CNGB3: variants seen among roughly 807,000 people sequenced by gnomAD.
CNGB3 encodes cyclic nucleotide gated channel subunit beta 3, also known as cyclic nucleotide-gated channel beta-3.
A neutral mutation model predicts 92.8 loss-of-function variants in CNGB3; 86 were observed. The ratio of observed to expected loss-of-function variants is 0.93; its 90% CI spans 0.78 to 1.11. CNGB3 has a LOEUF of 1.11. CNGB3 is among the 50% of genes least tolerant of loss of function. The pLI, the probability that CNGB3 is intolerant of heterozygous loss-of-function variation, is 0.00. For missense variants in CNGB3, 1,026 were observed against 956.8 expected (o/e 1.07, Z -0.95); for synonymous variants, 333 against 332.7 (o/e 1.00, Z -0.01).
intron 15 of CNGB3, among the ~76,000 whole-genome samples, chr8:86,581,208 G>A (rs1821757987): frequency 6.6e-6 from 1 of 152,168 alleles, no homozygotes; most frequent in Non-Finnish European, 1.5e-5. Context: ...CCCAAATCTG[G>A]AGAGAGAGGT....
chr8:86,694,641 G>C (rs1248469247), intron 3 of CNGB3, among the ~76,000 whole-genome samples: 1 of 151,610 alleles, frequency 6.6e-6, no homozygotes, highest in East Asian at 2.0e-4. Flanking sequence ...CCGGGCAGAG[G>C]CACTCCTCAC....
Position 86,575,914 on chromosome 8 carries a change from C to T in CNGB3, c.2320G>A (p.Val774Ile). The T allele has an allele frequency of 1.2e-6, 2 of 1,613,948 alleles. No homozygotes were observed. Among genetic ancestry groups the T allele is most frequent in the African/African-American group, 1.3e-5 (1 of 75,046 alleles). Residue 774 changes from valine (V) to isoleucine (I), a missense_variant, in exon 18 of 18, where the codon GTT becomes ATT. Physicochemically the swap from Val to Ile is conservative, Grantham distance 29. Coordinates refer to ENST00000320005, the MANE Select transcript of CNGB3 (RefSeq NM_019098.5). ...EEEPHSVRRTVLPRGTSRQSL... is the reference protein window; with the variant it reads ...EEEPHSVRRTILPRGTSRQSL... ...TGACGAGAAGTCCCTCTGGGTAAAA[C>T]TGTCCTTCTAACTGAGTGGGGTTCT...
intron 15 of CNGB3, among the ~76,000 whole-genome samples, chr8:86,591,670 A>T (rs1382375627): frequency 6.6e-6 from 1 of 152,154 alleles, no homozygotes; most frequent in Non-Finnish European, 1.5e-5. Flanking sequence ...GGGGTGAGGG[A>T]CCCACTTGAG....
intron 13 of CNGB3, 84 bp from the exon 14 acceptor site, chr8:86,611,755 G>A (rs1714417635): frequency 1.0e-6 from 1 of 976,736 alleles, no homozygotes; most frequent in Middle Eastern, 2.8e-4. Flanking sequence ...AAAATAAACA[G>A]TAATATATAT....
At chr8:86,580,210 A>C (rs1821737404) in intron 15 of CNGB3, among the ~76,000 whole-genome samples, 2 of 148,800 alleles carry the variant, frequency 1.3e-5, no homozygotes, top group Non-Finnish European at 1.5e-5. Context: ...GGCGGGGGGA[A>C]CTGCCCTCAT....
chr8:86,693,568 T>A, intron 3 of CNGB3, among the ~76,000 whole-genome samples: 1 of 149,520 alleles, frequency 6.7e-6, no homozygotes. Context: ...AGGTCTCTGG[T>A]TTTCCTAGGC....
intron 3 of CNGB3, among the ~76,000 whole-genome samples, chr8:86,708,855 G>A (rs1308334966): frequency 6.6e-6 from 1 of 152,116 alleles, no homozygotes; most frequent in African/African-American, 2.4e-5. Flanking sequence ...AGTAGAAGCT[G>A]TGGAATGAAG....
At chr8:86,603,210 TTAAC>T (rs1217932344) in intron 15 of CNGB3, among the ~76,000 whole-genome samples, 1 of 152,224 alleles carries the variant, frequency 6.6e-6, no homozygotes, top group African/African-American at 2.4e-5. Flanking sequence ...GTCTAGCTAA[TTAAC>T]TATTTATTAT....
intron 2 of CNGB3, among the ~76,000 whole-genome samples, chr8:86,735,847 A>G (rs1825242345): frequency 6.6e-6 from 1 of 152,184 alleles, no homozygotes; most frequent in Admixed American, 6.5e-5. Context: ...GATAGCCATT[A>G]ATTGGCTTAC....
intron 3 of CNGB3, among the ~76,000 whole-genome samples, chr8:86,700,369 T>C (rs1028368604): frequency 6.6e-6 from 1 of 152,222 alleles, no homozygotes; most frequent in Admixed American, 6.5e-5. Context: ...AATTTACCAC[T>C]AGGACATTTC....
chr8:86,693,189 C>G (rs899314121), intron 3 of CNGB3, among the ~76,000 whole-genome samples: 15 of 152,100 alleles, frequency 9.9e-5, no homozygotes, highest in Admixed American at 9.8e-4. Flanking sequence ...TTTAGACAAC[C>G]TGATGACTGT....
Position 86,688,265 on chromosome 8 carries a change from C to T in CNGB3, c.339-17167G>A, listed in dbSNP as rs530431457. The stretch of plus-strand genomic sequence containing the variant: ...ACTCAATAAATTTTGTACATTGATC[C>T]TTAATTTGTTCTCTAAAACTACACG... On this transcript the variant is annotated intron_variant, in intron 3 of 17. Coordinates refer to ENST00000320005, the MANE Select transcript of CNGB3 (RefSeq NM_019098.5). Among the ~76,000 whole-genome samples the T allele has an allele frequency of 1.1e-4, 16 of 152,054 alleles. No homozygotes were observed. In the South Asian group the frequency reaches 3.1e-3, roughly 30 times the overall value.
At chr8:86,687,590 A>C (rs1824214580) in intron 3 of CNGB3, among the ~76,000 whole-genome samples, 1 of 152,082 alleles carries the variant, frequency 6.6e-6, no homozygotes, top group African/African-American at 2.4e-5. Flanking sequence ...AGAGTGATGG[A>C]AACTTTTTGG....
At chr8:86,604,024 T>G in intron 15 of CNGB3, 69 bp downstream of exon 15, 2 of 995,664 alleles carry the variant, frequency 2.0e-6, no homozygotes, top group South Asian at 2.6e-5. Context: ...GGAACTTATT[T>G]TACTACCTAA....
At chr8:86,594,252 C>T in intron 15 of CNGB3, 1 of 260,256 alleles carries the variant, frequency 3.8e-6, no homozygotes, top group Non-Finnish European at 7.6e-6. Context: ...CCAGTCCTTG[C>T]CTGGGTGAGC....
intron 15 of CNGB3, among the ~76,000 whole-genome samples, chr8:86,598,299 T>C (rs1004595168): frequency 1.3e-5 from 2 of 152,180 alleles, no homozygotes; most frequent in African/African-American, 4.8e-5. Flanking sequence ...CAGTGAGAGA[T>C]GGATGAACTG....
chr8:86,581,857 A>G (rs972126407), intron 15 of CNGB3, among the ~76,000 whole-genome samples: 8 of 152,210 alleles, frequency 5.3e-5, no homozygotes, highest in Non-Finnish European at 1.0e-4. Flanking sequence ...ACAGGGAACT[A>G]GAAGGAATTT....
rs779152246 is a variant in CNGB3 at position 86,579,234 on chromosome 8, T to C, written c.1800A>G (p.Gly600=). 1.6e-4 allele frequency: 255 copies of C among 1,614,008 alleles called. No homozygotes were observed. The highest frequency in any genetic ancestry group is 2.1e-4 in the Non-Finnish European group (243 of 1,180,004). ...FGEISLLAAG[G]GNRRTANVVA... ...CCACATTGGCAGTTCGACGGTTTCC[T>C]CCTCCTGCTGCTAGAAGGCTGTAAG... The change falls in exon 16 of 18, where the codon GGA becomes GGG. Residue 600 remains glycine (G), a synonymous_variant. Transcript: ENST00000320005.
At chr8:86,728,353 T>TA (rs1354620307) in intron 2 of CNGB3, among the ~76,000 whole-genome samples, 1 of 151,786 alleles carries the variant, frequency 6.6e-6, no homozygotes, top group African/African-American at 2.4e-5. Flanking sequence ...GATTTCAGAG[T>TA]AAAAAAAATT....
Sources: gnomAD v4.1 joint callset for allele counts (sites outside exome capture counted in the v4.1 genomes callset) on GRCh38, gnomAD v4.1.1 for gene constraint, MANE v1.5 for transcripts, NCBI Gene and HGNC (gene_info 2026-07-23, HGNC 2026-07-21) for gene names.